The following EXOC7 variants were observed in gnomAD, a reference collection of about 807,000 sequenced individuals.
The protein encoded by EXOC7 is exocyst complex component Exo70.
Under a neutral mutation model 87.6 loss-of-function variants are expected in EXOC7, and 51 were observed. The observed-to-expected ratio is 0.58, with a 90% confidence interval of 0.46 to 0.73. The LOEUF (loss-of-function observed/expected upper bound fraction) is 0.73, where lower values mean the gene tolerates loss of function less well. Ranked by LOEUF, EXOC7 falls within the 30% of genes least tolerant of loss-of-function variation. EXOC7 has a pLI of 0.00. For missense variants in EXOC7, 744 were observed against 888.4 expected, an observed-to-expected ratio of 0.84 and a Z score of 2.07; for synonymous variants, 327 against 357.1, an observed-to-expected ratio of 0.92 and a Z score of 0.95.
intron 12 of EXOC7, chr17:76,087,305 G>A (rs1296894493): frequency 1.7e-5 from 7 of 408,724 alleles, no homozygotes; most frequent in Admixed American, 4.1e-5. Context: ...GGCCAGCTGA[G>A]CGAGCCTGAT....
intron 4 of EXOC7, among the ~76,000 whole-genome samples, chr17:76,099,447 C>G (rs1245056984): frequency 1.3e-5 from 2 of 152,124 alleles, no homozygotes; most frequent in Non-Finnish European, 2.9e-5. Context: ...GTGGAGGTTG[C>G]AGTGAGCCAA....
chr17:76,086,493 A>G (rs1265464397), intron 12 of EXOC7, among the ~76,000 whole-genome samples: 1 of 152,102 alleles, frequency 6.6e-6, no homozygotes, highest in Non-Finnish European at 1.5e-5. Flanking sequence ...GCAGAGTCTT[A>G]GAATGGGCTC....
intron 6 of EXOC7, 190 bp downstream of exon 6, chr17:76,094,224 A>C: frequency 1.8e-6 from 1 of 558,694 alleles, no homozygotes; most frequent in Non-Finnish European, 3.1e-6. Flanking sequence ...GCTGGAAGGA[A>C]GAGTCTTGCT....
chr17:76,100,053 G>A (rs2067983806), intron 4 of EXOC7, among the ~76,000 whole-genome samples: 1 of 152,096 alleles, frequency 6.6e-6, no homozygotes, highest in African/African-American at 2.4e-5. Context: ...AGTAGCTATG[G>A]TTGTACCACT....
rs752223770 is a variant in EXOC7 at position 76,101,775 on chromosome 17, C to T, written c.215G>A (p.Arg72Gln). ...PVHKQTENLQ[R>Q]LQENVEKTLS... The stretch of plus-strand genomic sequence containing the variant: ...CGTCTTCTCAACATTCTCCTGCAGC[C>T]GCTGCAGATTCTCCGTCTGCTTGTG... Residue 72 changes from arginine (R) to glutamine (Q), a missense_variant, in exon 3 of 19, where the codon CGG (arginine) becomes CAG (glutamine). Arg to Gln is a conservative substitution (Grantham distance 43). Coordinates refer to ENST00000589210, the MANE Select transcript of EXOC7 (RefSeq NM_001013839.4). The T allele has an allele frequency of 2.5e-5, 41 of 1,613,916 alleles. 1 individual carries two copies. The South Asian group carries it at 3.6e-4, about 14-fold the overall frequency.
chr17:76,085,482 G>T, intron 14 of EXOC7, 73 bp from the exon 15 acceptor site: 1 of 1,521,880 alleles, frequency 6.6e-7, no homozygotes, highest in Non-Finnish European at 9.0e-7. Context: ...CGGCAATGCC[G>T]GGAGGGCCTC....
Position 76,103,743 on chromosome 17 carries a change from C to CA in EXOC7, c.-52dup. On this transcript the variant is annotated 5_prime_UTR_variant, in exon 1 of 19. Coordinates refer to ENST00000589210, the MANE Select transcript of EXOC7 (RefSeq NM_001013839.4). ...CCCCAGTATCTTTCCTCCGCGGGCC[C>CA]ACCGGGCCCCCGTCCCCGTCACACC... The CA allele has an allele frequency of 6.5e-7, 1 of 1,546,698 alleles. No homozygotes were observed. Among genetic ancestry groups the CA allele is most frequent in the Non-Finnish European group, 8.7e-7 (1 of 1,144,168 alleles).
At chr17:76,103,612 C>T (rs759390250) in intron 1 of EXOC7, 21 bp downstream of exon 1, 4 of 1,613,050 alleles carry the variant, frequency 2.5e-6, no homozygotes, top group Non-Finnish European at 3.4e-6. Flanking sequence ...TCCTCCCCAG[C>T]CTCCCCAGGC....
In EXOC7 at chr17:76,082,659, C is replaced by A. The variant is rs1245409437; in HGVS notation, c.*989G>T. On this transcript the variant is annotated 3_prime_UTR_variant, in exon 19 of 19. Coordinates refer to ENST00000589210, the MANE Select transcript of EXOC7 (RefSeq NM_001013839.4). ...GCAGGCGGCCTAGACTGTAAAGGGG[C>A]AGGGCCTGGGCTGCACACCTTAGGA... 1 of 1,606,404 alleles carries A rather than the reference C, an allele frequency of 6.2e-7. No homozygotes were observed. Among genetic ancestry groups the A allele is most frequent in the Non-Finnish European group, 8.5e-7 (1 of 1,176,566 alleles).
chr17:76,101,322 T>C lies in EXOC7; in HGVS notation c.366A>G (p.Ala122=). The C allele has an allele frequency of 1.9e-6, 3 of 1,614,138 alleles. No homozygotes were observed. Among genetic ancestry groups the C allele is most frequent in the Non-Finnish European group, 2.5e-6 (3 of 1,180,028 alleles). ...GGCTGTTGTCCTGGAAATACTCCACTGCCTTCTGAATCTTGGCCATGCTTC... is the reference window on the plus strand; with the variant it reads ...GGCTGTTGTCCTGGAAATACTCCACCGCCTTCTGAATCTTGGCCATGCTTC... The part of the protein sequence containing the change: ...YLGSMAKIQK[A]VEYFQDNSPD... Residue 122 remains alanine, a synonymous_variant, in exon 4 of 19, where the codon GCA becomes GCG. Coordinates refer to ENST00000589210, the MANE Select transcript of EXOC7 (RefSeq NM_001013839.4).
chr17:76,081,480 C>A lies in EXOC7; in HGVS notation c.*2168G>T. 1 of 1,609,758 alleles carries A rather than the reference C, an allele frequency of 6.2e-7. No individual in the cohort carries two copies. Among genetic ancestry groups the A allele is most frequent in the Non-Finnish European group, 8.5e-7 (1 of 1,178,336 alleles). ...TGAGGATGCACGGCCAGAGGCCAGG[C>A]CCCATGCCCCCGATGCCCACCTCCT... On this transcript the variant is annotated 3_prime_UTR_variant, in exon 19 of 19. Coordinates refer to ENST00000589210, the MANE Select transcript of EXOC7 (RefSeq NM_001013839.4).
chr17:76,098,640 T>A (rs1455890176), intron 4 of EXOC7, among the ~76,000 whole-genome samples: 2 of 151,052 alleles, frequency 1.3e-5, no homozygotes, highest in Non-Finnish European at 3.0e-5. Flanking sequence ...GGCGGGCAGA[T>A]CACAAGGTCA....
At chr17:76,101,580 C>T in intron 3 of EXOC7, 99 bp downstream of exon 3, 1 of 1,441,754 alleles carries the variant, frequency 6.9e-7, no homozygotes, top group Non-Finnish European at 9.4e-7. Flanking sequence ...CTCAAGCGAT[C>T]CTCCCACCTC....
At chr17:76,092,894 TC>T (rs1171016569) in intron 6 of EXOC7, 1 of 152,186 alleles carries the variant, frequency 6.6e-6, no homozygotes, top group African/African-American at 2.4e-5. Flanking sequence ...AGAGCCTGAC[TC>T]CCTAGAGCCT....
chr17:76,082,667 G>A lies in EXOC7; in HGVS notation c.*981C>T. On this transcript the variant is annotated 3_prime_UTR_variant, in exon 19 of 19. Transcript: ENST00000589210. The stretch of plus-strand genomic sequence containing the variant: ...CCTAGACTGTAAAGGGGCAGGGCCT[G>A]GGCTGCACACCTTAGGATGAAGTTT... The A allele has an allele frequency of 1.3e-6, 2 of 1,595,110 alleles. No homozygotes were observed. Among genetic ancestry groups the A allele is most frequent in the Non-Finnish European group, 1.7e-6 (2 of 1,170,910 alleles).
chr17:76,093,143 C>G (rs2067577984), intron 6 of EXOC7: 1 of 153,032 alleles, frequency 6.5e-6, no homozygotes, highest in Non-Finnish European at 1.5e-5. Flanking sequence ...AGGAAGCAAG[C>G]ACAGACTGGC....
chr17:76,091,174 T>C lies in EXOC7; in HGVS notation c.870A>G (p.Lys290=). 1.2e-6 allele frequency: 2 copies of C among 1,614,122 alleles called. No individual in the cohort carries two copies. The highest frequency in any genetic ancestry group is 1.7e-6 in the Non-Finnish European group (2 of 1,179,994). The part of the protein sequence containing the change: ...KQYSQHGLDG[K]KGGSNLIPLE... ...GAGGAATGAGGTTAGAGCCCCCCTT[T>C]TTCCCATCTAGACCATGCTGGGAAT... Residue 290 remains lysine, a synonymous_variant, in exon 7 of 19, where the codon AAA becomes AAG. Transcript: ENST00000589210.
rs1339755538 is a variant in EXOC7, at chr17:76,087,784, G to A, written c.1363-64C>T. The A allele has an allele frequency of 1.6e-5, 25 of 1,517,538 alleles. 1 individual carries two copies. Among genetic ancestry groups the A allele is most frequent in the Non-Finnish European group, 1.8e-5 (20 of 1,122,060 alleles). The allele number at this position is 1,517,538 out of a possible 1,614,324, so 94.0% of individuals were successfully genotyped here. ...GGCCCGGCCGACGGCCTCCCACAGC[G>A]ACCCCTCTGAGTGCCCAGGGCCAGC... On this transcript the variant is annotated intron_variant, in intron 11 of 18. Coordinates refer to ENST00000589210, the MANE Select transcript of EXOC7 (RefSeq NM_001013839.4).
rs1165868049 is a variant in EXOC7 at position 76,101,243 on chromosome 17, T to C, written c.417+28A>G. ...AGGGCAGAGACTGATATCCCCAAGC[T>C]TCTCACGTTATTCTGCGGACCCCTT... On this transcript the variant is annotated intron_variant, in intron 4 of 18. Transcript: ENST00000589210. 1.9e-6 allele frequency: 3 copies of C among 1,613,960 alleles called. No individual in the cohort carries two copies. The African/African-American group carries it at 4.0e-5, about 22-fold the overall frequency.
Sources: gnomAD v4.1 joint callset for allele counts (sites outside exome capture counted in the v4.1 genomes callset) on GRCh38, gnomAD v4.1.1 for gene constraint, MANE v1.5 for transcripts, NCBI Gene and HGNC (gene_info 2026-07-23, HGNC 2026-07-21) for gene names.